The following SYN3 variants were observed in gnomAD, a reference collection of about 807,000 sequenced individuals.
SYN3 encodes the protein synapsin-3.
Under a neutral mutation model 65.8 loss-of-function variants are expected in SYN3, and 35 were observed. That is an observed-to-expected ratio of 0.53 (90% CI 0.41 to 0.70). The LOEUF is 0.70. Among genes scored for constraint, SYN3 ranks in the 30% least tolerant of loss-of-function variants. The pLI, the probability that SYN3 is intolerant of heterozygous loss-of-function variation, is 0.00. For missense variants in SYN3, 680 were observed against 749.0 expected (o/e 0.91, Z 1.08); for synonymous variants, 270 against 292.9 (o/e 0.92, Z 0.80).
In SYN3 at chr22:32,803,909, C is replaced by T. The variant is rs7284166; in HGVS notation, c.711+61006G>A. 5.4e-3 allele frequency among the ~76,000 whole-genome samples: 819 copies of T among 152,214 alleles called. 9 individuals carry two copies. Among genetic ancestry groups the T allele is most frequent in the African/African-American group, 0.019 (791 of 41,522 alleles). Reference sequence around the variant, plus strand: ...CTTGCCCTTTGCTTTGGGGTTTCTACCCTAAAAATTGACCACGGAAAAGTG... The same window carrying T: ...CTTGCCCTTTGCTTTGGGGTTTCTATCCTAAAAATTGACCACGGAAAAGTG... On this transcript the variant is annotated intron_variant, in intron 6 of 13. Transcript: ENST00000358763.
intron 6 of SYN3, among the ~76,000 whole-genome samples, chr22:32,724,920 A>C (rs2061169165): frequency 6.6e-6 from 1 of 152,046 alleles, no homozygotes; most frequent in Non-Finnish European, 1.5e-5. Flanking sequence ...GGAGTTCAAG[A>C]CCACCCTGGC....
At chr22:32,725,609 T>C (rs1373218647) in intron 6 of SYN3, among the ~76,000 whole-genome samples, 1 of 152,066 alleles carries the variant, frequency 6.6e-6, no homozygotes, top group African/African-American at 2.4e-5. Context: ...GGAGATGTGA[T>C]GACTGAGGCG....
At chr22:32,541,545 C>T in intron 8 of SYN3, 26 bp downstream of exon 8, 2 of 1,613,620 alleles carry the variant, frequency 1.2e-6, no homozygotes, top group South Asian at 1.1e-5. Flanking sequence ...TCCCACACTC[C>T]CCCAGCCCCT....
At chr22:32,624,120 G>A (rs761686900) in intron 6 of SYN3, among the ~76,000 whole-genome samples, 2 of 152,174 alleles carry the variant, frequency 1.3e-5, no homozygotes, top group African/African-American at 2.4e-5. Context: ...TTCCGAGTCC[G>A]GTTATTGCTT....
chr22:32,587,222 C>CAAAA (rs11341864), intron 7 of SYN3, among the ~76,000 whole-genome samples: 57 of 86,412 alleles, frequency 6.6e-4, no homozygotes, highest in African/African-American at 8.9e-4. Flanking sequence ...GCTCTTATCT[C>CAAAA]AAAAAAAAAA....
At chr22:33,024,985 C>T (rs1319579861) in intron 1 of SYN3, among the ~76,000 whole-genome samples, 2 of 152,216 alleles carry the variant, frequency 1.3e-5, no homozygotes, top group African/African-American at 2.4e-5. Flanking sequence ...AAACAGTTCT[C>T]ATCTCAGACA....
intron 1 of SYN3, among the ~76,000 whole-genome samples, chr22:33,024,738 A>G (rs1458575749): frequency 4.6e-5 from 7 of 152,192 alleles, no homozygotes; most frequent in African/African-American, 1.7e-4. Flanking sequence ...AGTGCACTCA[A>G]TGAGGGAAGG....
intron 1 of SYN3, among the ~76,000 whole-genome samples, chr22:33,046,201 C>G (rs1020065212): frequency 1.3e-5 from 2 of 152,122 alleles, no homozygotes; most frequent in African/African-American, 4.8e-5. Flanking sequence ...CTACTGATTC[C>G]AATGCAGAGC....
At chr22:32,867,165 C>T (rs192681868) in intron 5 of SYN3, among the ~76,000 whole-genome samples, 1 of 152,198 alleles carries the variant, frequency 6.6e-6, no homozygotes, top group African/African-American at 2.4e-5. Flanking sequence ...AGAGAGATAG[C>T]AAAACACCAC....
intron 5 of SYN3, among the ~76,000 whole-genome samples, chr22:32,867,070 T>C (rs1032378265): frequency 3.3e-5 from 5 of 152,114 alleles, no homozygotes; most frequent in African/African-American, 1.2e-4. Flanking sequence ...GTAACACAGC[T>C]CATAAGTGGA....
intron 4 of SYN3, among the ~76,000 whole-genome samples, chr22:32,920,530 AAGG>A (rs1299603744): frequency 6.6e-6 from 1 of 152,186 alleles, no homozygotes; most frequent in African/African-American, 2.4e-5. Flanking sequence ...AAACCAGAGG[AAGG>A]AGGGCTATCA....
intron 4 of SYN3, among the ~76,000 whole-genome samples, chr22:32,900,990 CA>C (rs2049744134): frequency 6.6e-6 from 1 of 152,204 alleles, no homozygotes; most frequent in East Asian, 1.9e-4. Context: ...ATACAGGTAG[CA>C]CTCATAAATG....
intron 3 of SYN3, among the ~76,000 whole-genome samples, chr22:32,944,732 T>C (rs2051052077): frequency 6.6e-6 from 1 of 152,160 alleles, no homozygotes. Context: ...GGCATTCAAT[T>C]AGGAAAAGAG....
chr22:32,652,053 C>T (rs80186738), intron 6 of SYN3, among the ~76,000 whole-genome samples: 6,425 of 152,290 alleles, frequency 0.042, 189 homozygotes, highest in Middle Eastern at 0.068. Flanking sequence ...TGGTTCAGAG[C>T]ACACTCACTG....
At chr22:32,939,110 A>C (rs2050864842) in intron 3 of SYN3, among the ~76,000 whole-genome samples, 1 of 152,216 alleles carries the variant, frequency 6.6e-6, no homozygotes, top group Non-Finnish European at 1.5e-5. Flanking sequence ...GTGGATAAAT[A>C]CAAAACCCTT....
At chr22:32,990,893 CA>C (rs1036898574) in intron 2 of SYN3, among the ~76,000 whole-genome samples, 1 of 150,598 alleles carries the variant, frequency 6.6e-6, no homozygotes, top group Non-Finnish European at 1.5e-5. Context: ...ACTAAAAATG[CA>C]AAAAAAATTG....
chr22:32,917,900 CCTG>C (rs1489732082), intron 4 of SYN3, among the ~76,000 whole-genome samples: 9 of 152,346 alleles, frequency 5.9e-5, no homozygotes, highest in African/African-American at 2.2e-4. Flanking sequence ...CCCCAGGGAT[CCTG>C]CTTTCTCCGG....
chr22:32,947,839 A>G (rs1248796237), intron 3 of SYN3, among the ~76,000 whole-genome samples: 2 of 152,210 alleles, frequency 1.3e-5, no homozygotes, highest in Non-Finnish European at 2.9e-5. Context: ...AGTCCAGGTT[A>G]GCTTGGTTGG....
At chr22:32,605,699 T>G (rs980976434) in intron 6 of SYN3, among the ~76,000 whole-genome samples, 4 of 152,202 alleles carry the variant, frequency 2.6e-5, no homozygotes, top group Admixed American at 2.0e-4. Flanking sequence ...TGGTGCCGCC[T>G]CTGGACAACT....
Sources: allele counts gnomAD v4.1 joint callset (sites outside exome capture counted in the v4.1 genomes callset), GRCh38; gene constraint gnomAD v4.1.1; transcripts MANE v1.5; gene names NCBI Gene and HGNC (gene_info 2026-07-23, HGNC 2026-07-21).